Variants in ZNF827 observed in about 807,000 individuals in gnomAD.
ZNF827 encodes zinc finger protein 827.
In ZNF827, 13 loss-of-function variants were observed where a neutral mutation model predicts 102.4. The ratio of observed to expected loss-of-function variants is 0.13; its 90% CI spans 0.08 to 0.20. The LOEUF (loss-of-function observed/expected upper bound fraction) is 0.20, where lower values mean the gene tolerates loss of function less well. Ranked by LOEUF, ZNF827 falls within the 10% of genes least tolerant of loss-of-function variation. ZNF827 has a pLI of 1.00. For missense variants in ZNF827, 1,103 were observed against 1,344.4 expected, an observed-to-expected ratio of 0.82 and a Z score of 2.81; for synonymous variants, 523 against 536.2, an observed-to-expected ratio of 0.98 and a Z score of 0.34.
intron 7 of ZNF827, among the ~76,000 whole-genome samples, chr4:145,834,286 G>T (rs1400721252): frequency 6.6e-6 from 1 of 152,036 alleles, no homozygotes; most frequent in African/African-American, 2.4e-5. Context: ...TAGTCTCTGT[G>T]CCCAGTGCAA....
intron 2 of ZNF827, among the ~76,000 whole-genome samples, chr4:145,897,919 C>G (rs1751101284): frequency 1.3e-5 from 2 of 152,148 alleles, no homozygotes; most frequent in African/African-American, 4.8e-5. Flanking sequence ...CTTTGGGGGC[C>G]TGAGTAGGGT....
At chr4:145,851,853 T>C (rs72723889) in intron 5 of ZNF827, among the ~76,000 whole-genome samples, 3,016 of 152,316 alleles carry the variant, frequency 0.02, 46 homozygotes, top group Non-Finnish European at 0.033. Context: ...CACGCTTAGC[T>C]TCTCTGCCTT....
chr4:145,860,171 C>T (rs1215242158), intron 5 of ZNF827, among the ~76,000 whole-genome samples: 2 of 152,300 alleles, frequency 1.3e-5, no homozygotes, highest in East Asian at 3.9e-4. Flanking sequence ...TGTGCAGAGG[C>T]AAGAGATCCC....
intron 7 of ZNF827, chr4:145,832,301 C>CCACACACACACACACACA (rs58517710): frequency 2.0e-5 from 3 of 147,786 alleles, no homozygotes; most frequent in Non-Finnish European, 4.5e-5. Context: ...CAAAACAAAA[C>CCACACACACACACACACA]CACACACACA....
rs529742181 is a variant in ZNF827 at position 145,868,932 on chromosome 4, T to C, written c.1981+1313A>G. On this transcript the variant is annotated intron_variant, in intron 5 of 14. Coordinates refer to ENST00000508784, the MANE Select transcript of ZNF827 (RefSeq NM_001306215.2). ...TCAGAAAACAACAAATAGATTACTC[T>C]GCATCATTTAACATAGGAAGGAGAG... is the stretch of plus-strand genomic sequence containing the variant. 2.0e-5 allele frequency among the ~76,000 whole-genome samples: 3 copies of C among 152,368 alleles called. No homozygotes were observed. The East Asian group carries it at 5.8e-4, about 29-fold the overall frequency.
At chr4:145,820,334 T>C (rs538309107) in intron 8 of ZNF827, among the ~76,000 whole-genome samples, 94 of 152,368 alleles carry the variant, frequency 6.2e-4, no homozygotes, top group African/African-American at 2.2e-3. Flanking sequence ...AGGCACATTA[T>C]ATCTCATTAA....
intron 3 of ZNF827, among the ~76,000 whole-genome samples, chr4:145,889,840 G>C (rs1192570061): frequency 6.6e-6 from 1 of 152,046 alleles, no homozygotes. Flanking sequence ...AGCCAGGCGT[G>C]GTGGCGGACG....
Position 145,761,979 on chromosome 4 carries a change from A to G in ZNF827, c.*18-381T>C, listed in dbSNP as rs1406079178. ...TCCCGACCAGACAGCGCAGAGGTCT[A>G]AACCTCCTGACCTCCCCTCTAGATG... On this transcript the variant is annotated intron_variant, in intron 14 of 14. Transcript: ENST00000508784. This position sits in a 1 kb window ranked among gnomAD's most constrained non-coding sequence, Gnocchi z 6.8. 6.6e-6 allele frequency among the ~76,000 whole-genome samples: 1 copy of G among 152,088 alleles called. No homozygotes were observed. The highest frequency in any genetic ancestry group is 2.4e-5 in the African/African-American group (1 of 41,408).
In ZNF827 at chr4:145,880,338, T is replaced by C. The variant is rs139851082; in HGVS notation, c.1747+5340A>G. On this transcript the variant is annotated intron_variant, in intron 4 of 14. Transcript: ENST00000508784. The stretch of plus-strand genomic sequence containing the variant: ...CTCATCTGTAAAATGGGAATACTTA[T>C]ACCACCTACTATGGCGTTGCCACAA... Among the ~76,000 whole-genome samples the C allele has an allele frequency of 8.9e-4, 136 of 152,374 alleles. 1 individual carries two copies. In the East Asian group the frequency reaches 0.024, roughly 27 times the overall value.
intron 1 of ZNF827, among the ~76,000 whole-genome samples, chr4:145,913,829 T>G: frequency 6.6e-6 from 1 of 152,302 alleles, no homozygotes; most frequent in South Asian, 2.1e-4. Flanking sequence ...TGTATAAATG[T>G]TTTCATTTTA....
chr4:145,845,944 A>G lies in ZNF827; in HGVS notation c.2279+12T>C, dbSNP rs776486949. ...CGGGGTGTTCTGGAGGAACCCACAC[A>G]AAGTCGCCTACCTGGTCGTGGTCCG... is the stretch of plus-strand genomic sequence containing the variant. On this transcript the variant is annotated intron_variant, in intron 7 of 14. Coordinates refer to ENST00000508784, the MANE Select transcript of ZNF827 (RefSeq NM_001306215.2). 1.2e-6 allele frequency: 2 copies of G among 1,614,180 alleles called. No individual in the cohort carries two copies. The highest frequency in any genetic ancestry group is 4.5e-5 in the East Asian group (2 of 44,884).
At chr4:145,764,826 T>TTC (rs1735032835) in intron 13 of ZNF827, 162 bp downstream of exon 13, 1 of 916,850 alleles carries the variant, frequency 1.1e-6, no homozygotes, top group African/African-American at 1.6e-5. Flanking sequence ...ACAGGTCTAA[T>TTC]TCAATCCAGC....
chr4:145,926,215 C>G (rs1753410905), intron 1 of ZNF827, among the ~76,000 whole-genome samples: 1 of 152,162 alleles, frequency 6.6e-6, no homozygotes, highest in South Asian at 2.1e-4. Flanking sequence ...TTATCACACA[C>G]AAGCTGAGAA....
At chr4:145,835,652 C>T (rs1744759316) in intron 7 of ZNF827, among the ~76,000 whole-genome samples, 1 of 148,736 alleles carries the variant, frequency 6.7e-6, no homozygotes, top group African/African-American at 2.5e-5. Context: ...GTATAAGATA[C>T]CTCTACTCCC....
intron 8 of ZNF827, among the ~76,000 whole-genome samples, chr4:145,787,576 C>T (rs1242755574): frequency 2.0e-5 from 3 of 151,824 alleles, no homozygotes; most frequent in Non-Finnish European, 4.4e-5. Context: ...CTTCTTTGGG[C>T]TCATTTCAAC....
At chr4:145,875,939 G>A (rs988851177) in intron 4 of ZNF827, among the ~76,000 whole-genome samples, 1 of 152,160 alleles carries the variant, frequency 6.6e-6, no homozygotes, top group South Asian at 2.1e-4. Flanking sequence ...TAAAATTTAA[G>A]TTCAAAGCGT....
intron 7 of ZNF827, among the ~76,000 whole-genome samples, chr4:145,844,521 A>G (rs1011353956): frequency 2.6e-5 from 4 of 151,586 alleles, no homozygotes; most frequent in African/African-American, 9.7e-5. Context: ...CTTTACAAAA[A>G]ATACAAAAAT....
At chr4:145,844,495 C>A (rs1264208103) in intron 7 of ZNF827, among the ~76,000 whole-genome samples, 1 of 151,338 alleles carries the variant, frequency 6.6e-6, no homozygotes, top group East Asian at 2.0e-4. Context: ...GCCTGGGCAA[C>A]ATGGCGAAAC....
At position 145,763,075 on chromosome 4, in the gene ZNF827, C is replaced by A. The variant is rs1353178800; in HGVS notation, c.*17+15G>T. ...TCAGGTGCACACACAACCCCTACGC[C>A]AAGCTGGGCCTTACCTAGAGGAGTC... On this transcript the variant is annotated intron_variant, in intron 14 of 14. Coordinates refer to ENST00000508784, the MANE Select transcript of ZNF827 (RefSeq NM_001306215.2). The surrounding 1 kb of genome is among the most constrained non-coding windows in gnomAD (Gnocchi z 4.6). 2 of 1,535,570 alleles carry A rather than the reference C, an allele frequency of 1.3e-6. No individual in the cohort carries two copies. The highest frequency in any genetic ancestry group is 1.7e-6 in the Non-Finnish European group (2 of 1,146,686).
Sources: allele counts gnomAD v4.1 joint callset (sites outside exome capture counted in the v4.1 genomes callset), GRCh38; gene constraint gnomAD v4.1.1; non-coding constraint Gnocchi (gnomAD v3.1); transcripts MANE v1.5; gene names NCBI Gene and HGNC (gene_info 2026-07-23, HGNC 2026-07-21).